VAV2: variants seen among roughly 807,000 people sequenced by gnomAD.
VAV2 encodes vav guanine nucleotide exchange factor 2, also known as guanine nucleotide exchange factor VAV2.
In VAV2, 67 loss-of-function variants were observed where a neutral mutation model predicts 132.5. That is an observed-to-expected ratio of 0.51 (90% CI 0.42 to 0.62). The LOEUF (loss-of-function observed/expected upper bound fraction) is 0.62, where lower values mean the gene tolerates loss of function less well. Among genes scored for constraint, VAV2 ranks in the 20% least tolerant of loss-of-function variants. The probability of loss-of-function intolerance (pLI) is 0.00; values close to 1 mark genes in which losing one functional copy is unlikely to be tolerated. For missense variants in VAV2, 938 were observed against 1,153.6 expected, an observed-to-expected ratio of 0.81 and a Z score of 2.71; for synonymous variants, 492 against 443.5, an observed-to-expected ratio of 1.11 and a Z score of -1.37.
chr9:133,908,641 G>A (rs75441129), intron 2 of VAV2, among the ~76,000 whole-genome samples: 2,123 of 152,302 alleles, frequency 0.014, 37 homozygotes, highest in African/African-American at 0.048. Flanking sequence ...TGAACCTAAC[G>A]GCCCAGGAAG....
intron 2 of VAV2, among the ~76,000 whole-genome samples, chr9:133,891,521 CATGGAGGGGGAAGG>C (rs1307613539): frequency 1.7e-4 from 1 of 5,910 alleles, no homozygotes; most frequent in African/African-American, 9.3e-4. Context: ...GGAGGGGAGG[CATGGAGGGGGAAGG>C]ATGGAGAGGG....
At chr9:133,867,361 T>G (rs892065048) in intron 2 of VAV2, among the ~76,000 whole-genome samples, 24 of 152,184 alleles carry the variant, frequency 1.6e-4, no homozygotes, top group African/African-American at 5.6e-4. Context: ...AGTGACCCAA[T>G]CACCCTGCAC....
intron 13 of VAV2, among the ~76,000 whole-genome samples, chr9:133,790,767 G>A (rs1484806282): frequency 1.3e-5 from 2 of 152,086 alleles, no homozygotes; most frequent in Non-Finnish European, 2.9e-5. Flanking sequence ...ACGTATCGCA[G>A]GTGCTTTTCC....
chr9:133,982,704 T>C (rs762656735), intron 1 of VAV2, among the ~76,000 whole-genome samples: 20 of 152,104 alleles, frequency 1.3e-4, no homozygotes, highest in Non-Finnish European at 2.1e-4. Flanking sequence ...CCTGGTTTCA[T>C]AGGGCCCGCC....
At chr9:133,976,719 T>C (rs1842525457) in intron 1 of VAV2, among the ~76,000 whole-genome samples, 1 of 152,222 alleles carries the variant, frequency 6.6e-6, no homozygotes, top group South Asian at 2.1e-4. Flanking sequence ...CTGGACGTTT[T>C]AAGAGAATCA....
intron 3 of VAV2, among the ~76,000 whole-genome samples, chr9:133,859,746 C>T (rs1167327319): frequency 6.6e-6 from 1 of 151,758 alleles, no homozygotes; most frequent in Non-Finnish European, 1.5e-5. Context: ...GAAACAAAAA[C>T]AAACAAAAAA....
At chr9:133,949,101 G>A (rs1198266325) in intron 1 of VAV2, among the ~76,000 whole-genome samples, 2 of 152,112 alleles carry the variant, frequency 1.3e-5, no homozygotes, top group Non-Finnish European at 2.9e-5. Flanking sequence ...CCTCCCTTAC[G>A]CTGGGCCCTC....
At position 133,885,227 on chromosome 9, in the gene VAV2, G is replaced by A. The variant is rs535510180; in HGVS notation, c.322-23795C>T. Among the ~76,000 whole-genome samples, 34 of 152,290 alleles carry A rather than the reference G, an allele frequency of 2.2e-4. No homozygotes were observed. The highest frequency in any genetic ancestry group is 8.2e-4 in the African/African-American group (34 of 41,568). ...TTCTGAGCCCACTCAACCAAGGGCG[G>A]CCCAGGGAAGGGCATGTATGCAGCC... On this transcript the variant is annotated intron_variant, in intron 2 of 29. Transcript: ENST00000371850. The surrounding 1 kb of genome is among the most constrained non-coding windows in gnomAD (Gnocchi z 5.0).
chr9:133,792,683 C>CCACCCCCA (rs1834543163), intron 12 of VAV2, among the ~76,000 whole-genome samples: 2 of 127,980 alleles, frequency 1.6e-5, no homozygotes, highest in African/African-American at 3.0e-5. Flanking sequence ...AAGGGACCCC[C>CCACCCCCA]CCCCCCACCC....
intron 29 of VAV2, among the ~76,000 whole-genome samples, chr9:133,766,473 G>A (rs1455815198): frequency 4.6e-5 from 7 of 152,064 alleles, no homozygotes; most frequent in Non-Finnish European, 8.8e-5. Context: ...GTCCTTTGTA[G>A]GGACATGGAT....
At chr9:133,981,861 C>T (rs967950151) in intron 1 of VAV2, among the ~76,000 whole-genome samples, 2 of 152,356 alleles carry the variant, frequency 1.3e-5, no homozygotes, top group African/African-American at 4.8e-5. Context: ...GCAAAGCCCC[C>T]TCTAGACTGC....
chr9:133,774,131 G>A (rs478403), intron 25 of VAV2, among the ~76,000 whole-genome samples: 53,925 of 152,132 alleles, frequency 0.35, 10,378 homozygotes, highest in Non-Finnish European at 0.44. Flanking sequence ...GGAATGCAAG[G>A]TTGGTTTAAC....
At chr9:133,854,779 T>C (rs538606722) in intron 3 of VAV2, among the ~76,000 whole-genome samples, 2 of 152,266 alleles carry the variant, frequency 1.3e-5, no homozygotes, top group Admixed American at 1.3e-4. Flanking sequence ...GAATCCATTA[T>C]TGTAACGAAA....
chr9:133,817,023 T>C (rs1484286092), intron 4 of VAV2, among the ~76,000 whole-genome samples: 1 of 152,270 alleles, frequency 6.6e-6, no homozygotes, highest in East Asian at 1.9e-4. Context: ...TTTTTAAAAA[T>C]GTCTGCTGGG....
chr9:133,964,046 T>TATATACATACATATATATAC (rs1329697826), intron 1 of VAV2, among the ~76,000 whole-genome samples: 1 of 87,888 alleles, frequency 1.1e-5, no homozygotes, highest in African/African-American at 3.7e-5. Context: ...TATATATATA[T>TATATACATACATATATATAC]ATACATATAT....
intron 2 of VAV2, among the ~76,000 whole-genome samples, chr9:133,914,766 GGA>G (rs1840007380): frequency 9.5e-6 from 1 of 105,364 alleles, no homozygotes; most frequent in Non-Finnish European, 1.9e-5. Context: ...GGAGAGGAGG[GGA>G]GGAGGGGACG....
intron 3 of VAV2, among the ~76,000 whole-genome samples, chr9:133,838,883 G>A (rs138862341): frequency 0.031 from 3,937 of 126,732 alleles, 134 homozygotes; most frequent in African/African-American, 0.078. Context: ...GGATAGATGG[G>A]TGGGTGGGTG....
chr9:133,908,425 C>T (rs533765823), intron 2 of VAV2, among the ~76,000 whole-genome samples: 15 of 152,128 alleles, frequency 9.9e-5, no homozygotes, highest in Non-Finnish European at 2.1e-4. Flanking sequence ...GTCACTCAAC[C>T]TCACACCCTC....
Position 133,953,120 on chromosome 9 carries a change from C to T in VAV2, c.205-13901G>A, listed in dbSNP as rs79704147. On this transcript the variant is annotated intron_variant, in intron 1 of 29. Transcript: ENST00000371850. The stretch of plus-strand genomic sequence containing the variant: ...AGCACAGCCTGCCAACATCTAGAAC[C>T]TCCAGAGGCAGCACAGCCCTGCCAA... Among the ~76,000 whole-genome samples the T allele has an allele frequency of 6.5e-3, 995 of 152,208 alleles. 10 individuals carry two copies. Among genetic ancestry groups the T allele is most frequent in the African/African-American group, 0.023 (961 of 41,532 alleles).
Sources: allele counts gnomAD v4.1 joint callset (sites outside exome capture counted in the v4.1 genomes callset), GRCh38; gene constraint gnomAD v4.1.1; non-coding constraint Gnocchi (gnomAD v3.1); transcripts MANE v1.5; gene names NCBI Gene and HGNC (gene_info 2026-07-23, HGNC 2026-07-21).